Variants in DTNBP1 observed in about 807,000 individuals in gnomAD.
The protein encoded by DTNBP1 is dysbindin.
A neutral mutation model predicts 42.8 loss-of-function variants in DTNBP1; 35 were observed. That is an observed-to-expected ratio of 0.82 (90% confidence interval 0.63 to 1.09). The LOEUF (loss-of-function observed/expected upper bound fraction) is 1.09. Among genes scored for constraint, DTNBP1 ranks in the 50% least tolerant of loss-of-function variants. The pLI, the probability that DTNBP1 is intolerant of heterozygous loss-of-function variation, is 0.00. For missense variants in DTNBP1, 457 were observed against 424.2 expected (o/e 1.08, Z -0.68); for synonymous variants, 171 against 162.2 (o/e 1.05, Z -0.41).
chr6:15,655,899 T>G (rs560962119), intron 1 of DTNBP1, among the ~76,000 whole-genome samples: 271 of 152,238 alleles, frequency 1.8e-3, no homozygotes, highest in African/African-American at 6.3e-3. Flanking sequence ...GAACTTATTC[T>G]GTCCTGGAAA....
chr6:15,549,633 C>T (rs895228714), intron 7 of DTNBP1, among the ~76,000 whole-genome samples: 1 of 152,090 alleles, frequency 6.6e-6, no homozygotes, highest in Non-Finnish European at 1.5e-5. Context: ...CTGGCACCCC[C>T]GCAGCAACTC....
At chr6:15,636,698 T>C (rs909899136) in intron 4 of DTNBP1, among the ~76,000 whole-genome samples, 1 of 152,180 alleles carries the variant, frequency 6.6e-6, no homozygotes, top group Non-Finnish European at 1.5e-5. Context: ...ATCAAAAGTC[T>C]CAGATTCAGA....
chr6:15,578,361 T>C (rs1000771947), intron 7 of DTNBP1, among the ~76,000 whole-genome samples: 1 of 152,214 alleles, frequency 6.6e-6, no homozygotes, highest in African/African-American at 2.4e-5. Flanking sequence ...CAGAGGGGAA[T>C]GTACTAGGAT....
intron 8 of DTNBP1, among the ~76,000 whole-genome samples, chr6:15,530,880 T>C (rs1485343751): frequency 6.6e-6 from 1 of 152,186 alleles, no homozygotes; most frequent in African/African-American, 2.4e-5. Context: ...TTCAAATGTG[T>C]GGGTCGGCCA....
At chr6:15,595,743 G>A (rs1776491073) in intron 6 of DTNBP1, among the ~76,000 whole-genome samples, 1 of 152,196 alleles carries the variant, frequency 6.6e-6, no homozygotes, top group Admixed American at 6.5e-5. Context: ...CAGTGACTGT[G>A]AGGTCACAGA....
At chr6:15,541,965 T>C (rs1773589169) in intron 7 of DTNBP1, among the ~76,000 whole-genome samples, 1 of 152,146 alleles carries the variant, frequency 6.6e-6, no homozygotes, top group Non-Finnish European at 1.5e-5. Context: ...GCCTCTCTCT[T>C]AAGAGTTCAA....
intron 4 of DTNBP1, among the ~76,000 whole-genome samples, chr6:15,633,243 A>G (rs1443046131): frequency 6.6e-6 from 1 of 152,206 alleles, no homozygotes; most frequent in African/African-American, 2.4e-5. Context: ...GAGTCATATC[A>G]ACTTTTAAGT....
rs182732566 is a variant in DTNBP1 at position 15,592,969 on chromosome 6, A to T, written c.511+90T>A. 98 of 1,293,966 alleles carry T rather than the reference A, an allele frequency of 7.6e-5. No homozygotes were observed. The Admixed American group carries it at 1.0e-3, about 13-fold the overall frequency. The allele number at this position is 1,293,966 out of a possible 1,614,324, so 80.2% of individuals were successfully genotyped here. A position where few individuals can be genotyped will look rare whatever the true frequency, so the allele number is the denominator to read the frequency against. ...TTACTGTTTTATGTAAACTGATTTT[A>T]AAAAATGAGTTTGTTCATCATTGTC... On this transcript the variant is annotated intron_variant, in intron 7 of 9. Transcript: ENST00000344537.
rs939648221 is a variant in DTNBP1 at position 15,587,651 on chromosome 6, C to CA, written c.511+5407dup. ...TTCAATGGGGAAAAGAAGCTCTTTT[C>CA]AAAAAATAGTTCTAAGGCTTGTGAG... is the stretch of plus-strand genomic sequence containing the variant. On this transcript the variant is annotated intron_variant, in intron 7 of 9. Coordinates refer to ENST00000344537, the MANE Select transcript of DTNBP1 (RefSeq NM_032122.5). The surrounding 1 kb of genome is among the most constrained non-coding windows in gnomAD (Gnocchi z 4.1). 1.3e-5 allele frequency among the ~76,000 whole-genome samples: 2 copies of CA among 152,106 alleles called. No homozygotes were observed. The highest frequency in any genetic ancestry group is 2.9e-5 in the Non-Finnish European group (2 of 68,016).
chr6:15,640,670 A>G (rs1321632597), intron 3 of DTNBP1, among the ~76,000 whole-genome samples: 1 of 152,250 alleles, frequency 6.6e-6, no homozygotes, highest in Non-Finnish European at 1.5e-5. Flanking sequence ...TTTAGGAAAT[A>G]GAGAGAAGAT....
At chr6:15,645,129 T>A (rs1404053980) in intron 3 of DTNBP1, among the ~76,000 whole-genome samples, 1 of 151,854 alleles carries the variant, frequency 6.6e-6, no homozygotes, top group African/African-American at 2.4e-5. Flanking sequence ...AGACAAAAGA[T>A]CATCAGAGAC....
chr6:15,533,401 G>A lies in DTNBP1; in HGVS notation c.512-6C>T, dbSNP rs1336862980. 1 of 1,614,190 alleles carries A rather than the reference G, an allele frequency of 6.2e-7. No individual in the cohort carries two copies. The highest frequency in any genetic ancestry group is 1.7e-5 in the Admixed American group (1 of 60,026). ...GTGCTCTGCATCTAGTTCAGCTGAGGAAACAGAATAACTGGGGTTAGGGTT... is the reference window on the plus strand; with the variant it reads ...GTGCTCTGCATCTAGTTCAGCTGAGAAAACAGAATAACTGGGGTTAGGGTT... On this transcript the variant is annotated splice_region_variant and splice_polypyrimidine_tract_variant and intron_variant, in intron 7 of 9. Transcript: ENST00000344537.
In DTNBP1 at chr6:15,614,128, G is replaced by C. The variant is rs1327329954; in HGVS notation, c.488+1139C>G. The stretch of plus-strand genomic sequence containing the variant: ...CACATGACCCTGATTGAGAACTTGT[G>C]TTCTAAAATACTCATTTCTATTCAT... On this transcript the variant is annotated intron_variant, in intron 6 of 9. Transcript: ENST00000344537. 3.3e-5 allele frequency among the ~76,000 whole-genome samples: 5 copies of C among 152,016 alleles called. No homozygotes were observed. The East Asian group carries it at 9.6e-4, about 29-fold the overall frequency.
intron 7 of DTNBP1, among the ~76,000 whole-genome samples, chr6:15,583,900 C>A (rs966554688): frequency 6.6e-6 from 1 of 152,052 alleles, no homozygotes; most frequent in East Asian, 1.9e-4. Flanking sequence ...TAGTTTAATA[C>A]CTAAACAAGC....
chr6:15,549,113 T>C (rs1476359002), intron 7 of DTNBP1, among the ~76,000 whole-genome samples: 2 of 152,176 alleles, frequency 1.3e-5, no homozygotes, highest in African/African-American at 2.4e-5. Context: ...TCACCTACAA[T>C]TTTGTTTAAC....
intron 8 of DTNBP1, among the ~76,000 whole-genome samples, chr6:15,526,525 T>C (rs1052097335): frequency 6.6e-6 from 1 of 152,208 alleles, no homozygotes; most frequent in Admixed American, 6.5e-5. Flanking sequence ...ATGGTTTAGA[T>C]GATCCCATGC....
rs970681295 is a variant in DTNBP1 at position 15,587,026 on chromosome 6, C to T, written c.511+6033G>A. Among the ~76,000 whole-genome samples, 9 of 152,092 alleles carry T rather than the reference C, an allele frequency of 5.9e-5. No individual in the cohort carries two copies. Among genetic ancestry groups the T allele is most frequent in the African/African-American group, 2.2e-4 (9 of 41,376 alleles). ...GTTTGTGGGCAACGTCATCCAAACC[C>T]CGGGCTTCCATTCCCACCTACATGC... On this transcript the variant is annotated intron_variant, in intron 7 of 9. Coordinates refer to ENST00000344537, the MANE Select transcript of DTNBP1 (RefSeq NM_032122.5). This position sits in a 1 kb window ranked among gnomAD's most constrained non-coding sequence, Gnocchi z 4.1.
At chr6:15,600,565 G>C (rs1776689743) in intron 6 of DTNBP1, among the ~76,000 whole-genome samples, 1 of 152,080 alleles carries the variant, frequency 6.6e-6, no homozygotes, top group African/African-American at 2.4e-5. Flanking sequence ...TAAATGAAGG[G>C]ACACAAGACT....
chr6:15,523,134 GGAA>G lies in DTNBP1; in HGVS notation c.894_896del (p.Ser300del), dbSNP rs755396503. 2.4e-5 allele frequency: 39 copies of G among 1,614,262 alleles called. No homozygotes were observed. Among genetic ancestry groups the G allele is most frequent in the East Asian group, 2.0e-4 (9 of 44,890 alleles). On this transcript the variant is annotated inframe_deletion, in exon 10 of 10. Coordinates refer to ENST00000344537, the MANE Select transcript of DTNBP1 (RefSeq NM_032122.5). ...GGGTGGCCGAGTCGGTGCAGGTGGA[GGAA>G]GAAGAAGGTGGCTTGGCTCTTAATT...
Sources: gnomAD v4.1 joint callset for allele counts (sites outside exome capture counted in the v4.1 genomes callset) on GRCh38, gnomAD v4.1.1 for gene constraint, Gnocchi (gnomAD v3.1) non-coding constraint, MANE v1.5 for transcripts, NCBI Gene and HGNC (gene_info 2026-07-23, HGNC 2026-07-21) for gene names.